PPP3CB: variants seen among roughly 807,000 people sequenced by gnomAD.
The protein encoded by PPP3CB is protein phosphatase 3 catalytic subunit beta.
PPP3CB carries 8 observed loss-of-function variants against 66.4 expected under a neutral mutation model. The observed-to-expected ratio is 0.12, with a 90% confidence interval of 0.07 to 0.22. PPP3CB has a LOEUF of 0.22. Ranked by LOEUF, PPP3CB falls within the 10% of genes least tolerant of loss-of-function variation. The pLI is 1.00. For missense variants in PPP3CB, 319 were observed against 642.5 expected (o/e 0.50, Z 5.44); for synonymous variants, 208 against 221.2 (o/e 0.94, Z 0.53).
chr10:73,492,136 A>C (rs181563708), intron 1 of PPP3CB, among the ~76,000 whole-genome samples: 6 of 152,312 alleles, frequency 3.9e-5, no homozygotes, highest in Admixed American at 6.5e-5. Flanking sequence ...TAGCTTAAAA[A>C]AAATTAAAAC....
intron 12 of PPP3CB, among the ~76,000 whole-genome samples, chr10:73,441,044 G>T (rs77904169): frequency 0.047 from 7,089 of 152,010 alleles, 509 homozygotes; most frequent in African/African-American, 0.15. Flanking sequence ...GTAATGCCCT[G>T]GTCTCTCCTA....
At chr10:73,467,509 G>T (rs1342417066) in intron 9 of PPP3CB, 44 bp downstream of exon 9, 6 of 1,385,086 alleles carry the variant, frequency 4.3e-6, no homozygotes, top group Admixed American at 3.0e-5. Context: ...TGGAGTAAAT[G>T]TAACAGTAAT....
intron 10 of PPP3CB, among the ~76,000 whole-genome samples, chr10:73,450,017 C>T (rs1016040655): frequency 6.6e-6 from 1 of 152,136 alleles, no homozygotes; most frequent in East Asian, 1.9e-4. Context: ...AGGTTGGTCT[C>T]GAACTCCTGA....
At chr10:73,479,840 T>A (rs1160558871) in intron 1 of PPP3CB, among the ~76,000 whole-genome samples, 1 of 152,208 alleles carries the variant, frequency 6.6e-6, no homozygotes, top group East Asian at 1.9e-4. Flanking sequence ...TAGTATTAGA[T>A]ATTCTTTACC....
chr10:73,472,464 C>T (rs1387046196), intron 4 of PPP3CB, among the ~76,000 whole-genome samples: 1 of 149,320 alleles, frequency 6.7e-6, no homozygotes, highest in Non-Finnish European at 1.5e-5. Flanking sequence ...ACTTGCACTC[C>T]AGCCTGGGCG....
At chr10:73,450,569 T>C (rs1945885557) in intron 10 of PPP3CB, among the ~76,000 whole-genome samples, 1 of 152,198 alleles carries the variant, frequency 6.6e-6, no homozygotes, top group African/African-American at 2.4e-5. Context: ...CTACTCCTAA[T>C]ACGTGGTACT....
At chr10:73,443,799 A>G (rs1050664990) in intron 12 of PPP3CB, 5 of 152,248 alleles carry the variant, frequency 3.3e-5, no homozygotes, top group Non-Finnish European at 5.9e-5. Context: ...TGCTTTACGT[A>G]TAATTCTTTT....
At chr10:73,486,033 C>T (rs1292217349) in intron 1 of PPP3CB, among the ~76,000 whole-genome samples, 1 of 151,762 alleles carries the variant, frequency 6.6e-6, no homozygotes, top group Non-Finnish European at 1.5e-5. Context: ...GCAACCTCTG[C>T]CTCCCAGGTT....
At chr10:73,448,539 A>G (rs1319445196) in intron 10 of PPP3CB, 1 of 437,268 alleles carries the variant, frequency 2.3e-6, no homozygotes, top group Non-Finnish European at 4.7e-6. Flanking sequence ...AACTTAAGCT[A>G]AATTTGCACA....
chr10:73,495,873 G>C lies in PPP3CB; in HGVS notation c.17C>G (p.Pro6Arg). MAAPE[P>R]ARAAPPPPPP... ...GGGTGGGGGCGGTGCAGCCCGGGCC[G>C]GCTCCGGGGCGGCCATGCTGGGCCC... Residue 6 changes from proline to arginine, a missense_variant, in exon 1 of 14, where the codon CCG becomes CGG. Around this residue, in one of 5 missense-constraint regions of PPP3CB, gnomAD observed 104 missense variants for 128.4 expected, o/e 0.81. Coordinates refer to ENST00000360663, the MANE Select transcript of PPP3CB (RefSeq NM_021132.4). 7.4e-7 allele frequency: 1 copy of C among 1,360,080 alleles called. No individual in the cohort carries two copies. Among genetic ancestry groups the C allele is most frequent in the Non-Finnish European group, 9.4e-7 (1 of 1,059,868 alleles). 84.3% of individuals were successfully genotyped at this position (1,360,080 alleles called of 1,614,324 possible). A position where few individuals can be genotyped will look rare whatever the true frequency, so the allele number is the denominator to read the frequency against.
chr10:73,483,484 G>A (rs1326832562), intron 1 of PPP3CB, among the ~76,000 whole-genome samples: 34 of 151,490 alleles, frequency 2.2e-4, no homozygotes, highest in Non-Finnish European at 8.8e-5. Flanking sequence ...GTGAAACCCC[G>A]TCTCTACTAA....
chr10:73,438,444 A>G (rs1174217087), intron 13 of PPP3CB, 24 bp from the exon 14 acceptor site: 2 of 1,554,704 alleles, frequency 1.3e-6, no homozygotes, highest in Non-Finnish European at 1.8e-6. Context: ...AAATTTGATA[A>G]GTCAGTAATT....
chr10:73,443,330 A>AAG (rs1458015567), intron 12 of PPP3CB, among the ~76,000 whole-genome samples: 2,872 of 137,956 alleles, frequency 0.021, 96 homozygotes, highest in African/African-American at 0.072. Flanking sequence ...GAAAGAAAGA[A>AAG]AAAGAAAGAG....
At chr10:73,492,342 C>T (rs541909579) in intron 1 of PPP3CB, among the ~76,000 whole-genome samples, 3 of 152,138 alleles carry the variant, frequency 2.0e-5, no homozygotes, top group African/African-American at 7.2e-5. Context: ...TCTCAAGAGA[C>T]AATCCAGCTT....
At chr10:73,453,070 G>A (rs1374882952) in intron 10 of PPP3CB, among the ~76,000 whole-genome samples, 2 of 152,136 alleles carry the variant, frequency 1.3e-5, no homozygotes, top group Admixed American at 1.3e-4. Flanking sequence ...GTAAACTTAA[G>A]CAACTATAAT....
Position 73,479,347 on chromosome 10 carries a change from T to C in PPP3CB, c.256A>G (p.Thr86Ala). The C allele has an allele frequency of 1.2e-6, 2 of 1,614,050 alleles. No homozygotes were observed. The highest frequency in any genetic ancestry group is 1.7e-6 in the Non-Finnish European group (2 of 1,179,990). Residue 86 changes from threonine to alanine, a missense_variant, in exon 2 of 14, where the codon ACC (threonine) becomes GCC (alanine). Around this residue, in one of 5 missense-constraint regions of PPP3CB, gnomAD observed 104 missense variants for 128.4 expected, o/e 0.81. Coordinates refer to ENST00000360663, the MANE Select transcript of PPP3CB (RefSeq NM_021132.4). ...ATTGGAGCTTCTACTTCTATCATGG[T>C]TTTCTCTCTCCGAAGGATGGCAGCA... ...EGAAILRREK[T>A]MIEVEAPITV... is the part of the protein sequence containing the mutation.
At chr10:73,446,308 C>T (rs559984083) in intron 11 of PPP3CB, among the ~76,000 whole-genome samples, 184 bp downstream of exon 11, 1 of 151,982 alleles carries the variant, frequency 6.6e-6, no homozygotes, top group African/African-American at 2.4e-5. Context: ...CTATGTTGGC[C>T]AGGCTGGTTT....
chr10:73,495,997 T>TAGGGAAAGAGGG lies in PPP3CB; in HGVS notation c.-109_-108insCCCTCTTTCCCT. The TAGGGAAAGAGGG allele has an allele frequency of 1.7e-6, 1 of 596,270 alleles. No homozygotes were observed. Among genetic ancestry groups the TAGGGAAAGAGGG allele is most frequent in the Non-Finnish European group, 2.4e-6 (1 of 425,162 alleles). 36.9% of individuals were successfully genotyped at this position (596,270 alleles called of 1,614,324 possible). On this transcript the variant is annotated 5_prime_UTR_variant, in exon 1 of 14. Coordinates refer to ENST00000360663, the MANE Select transcript of PPP3CB (RefSeq NM_021132.4). The stretch of plus-strand genomic sequence containing the variant: ...CGCCGGGGAACATGGCGGACCCTCT[T>TAGGGAAAGAGGG]TCCCTACAGAGGGGCTAAGACCGGC...
chr10:73,490,416 G>A (rs1420798879), intron 1 of PPP3CB, among the ~76,000 whole-genome samples: 1 of 152,160 alleles, frequency 6.6e-6, no homozygotes, highest in Non-Finnish European at 1.5e-5. Context: ...TTGTGATACA[G>A]CAGACATTTA....
Sources: gnomAD v4.1 joint callset for allele counts (sites outside exome capture counted in the v4.1 genomes callset) on GRCh38, gnomAD v4.1.1 for gene constraint, gnomAD v4.1.1 regional missense constraint, MANE v1.5 for transcripts, NCBI Gene and HGNC (gene_info 2026-07-23, HGNC 2026-07-21) for gene names.